Variants in STXBP6 observed in about 807,000 individuals in gnomAD.
STXBP6 encodes syntaxin-binding protein 6.
Under a neutral mutation model 26.9 loss-of-function variants are expected in STXBP6, and 21 were observed. The ratio of observed to expected loss-of-function variants is 0.78; its 90% confidence interval spans 0.55 to 1.12. The LOEUF (loss-of-function observed/expected upper bound fraction) is 1.12, where lower values mean the gene tolerates loss of function less well. STXBP6 is among the 50% of genes most tolerant of loss of function. The pLI, the probability that STXBP6 is intolerant of heterozygous loss-of-function variation, is 0.00. For synonymous variants in STXBP6, 97 were observed against 92.6 expected, an observed-to-expected ratio of 1.05 and a Z score of -0.27; for missense variants, 232 against 257.9, an observed-to-expected ratio of 0.90 and a Z score of 0.69.
At chr14:24,960,634 A>G (rs894655862) in intron 2 of STXBP6, among the ~76,000 whole-genome samples, 2 of 152,082 alleles carry the variant, frequency 1.3e-5, no homozygotes, top group Non-Finnish European at 2.9e-5. Flanking sequence ...GTTCTGCTTC[A>G]TGGGTCCCCA....
intron 2 of STXBP6, among the ~76,000 whole-genome samples, chr14:24,861,520 A>G (rs1176837129): frequency 1.3e-5 from 2 of 152,164 alleles, no homozygotes; most frequent in Admixed American, 1.3e-4. Flanking sequence ...TGTTCTTCCA[A>G]AGCTCTAGTG....
At chr14:24,868,621 T>C (rs1595000553) in intron 2 of STXBP6, among the ~76,000 whole-genome samples, 1 of 152,128 alleles carries the variant, frequency 6.6e-6, no homozygotes, top group Non-Finnish European at 1.5e-5. Context: ...TTTGTAAACA[T>C]GAAGCAGGAG....
intron 4 of STXBP6, among the ~76,000 whole-genome samples, chr14:24,823,627 TATACTCAGTGCTGAGTCA>T (rs2068203473): frequency 6.6e-6 from 1 of 152,220 alleles, no homozygotes; most frequent in Non-Finnish European, 1.5e-5. Flanking sequence ...TATGCCCATC[TATACTCAGTGCTGAGTCA>T]ATGTGCTTAT....
chr14:24,847,870 C>T (rs749089554), intron 4 of STXBP6, among the ~76,000 whole-genome samples: 34 of 152,132 alleles, frequency 2.2e-4, no homozygotes, highest in Non-Finnish European at 4.7e-4. Context: ...GTTAAGTCAG[C>T]AGTAACATGT....
intron 2 of STXBP6, among the ~76,000 whole-genome samples, chr14:24,912,843 T>A (rs2071624087): frequency 6.6e-6 from 1 of 152,224 alleles, no homozygotes; most frequent in African/African-American, 2.4e-5. Context: ...CTTGCCTTTT[T>A]TTCATTTTTC....
chr14:24,815,868 T>C (rs2067959720), intron 5 of STXBP6: 1 of 152,160 alleles, frequency 6.6e-6, no homozygotes, highest in Admixed American at 6.5e-5. Flanking sequence ...AAGGACCACA[T>C]TTCCTCAAAC....
chr14:24,981,062 A>C (rs1166136724), intron 1 of STXBP6, among the ~76,000 whole-genome samples: 1 of 152,214 alleles, frequency 6.6e-6, no homozygotes, highest in Non-Finnish European at 1.5e-5. Context: ...TTAATGAATT[A>C]CTTATAAAAC....
chr14:24,942,667 T>C (rs962383574), intron 2 of STXBP6, among the ~76,000 whole-genome samples: 2 of 152,222 alleles, frequency 1.3e-5, no homozygotes, highest in African/African-American at 4.8e-5. Flanking sequence ...CTGCCTTTGA[T>C]CTGAGGTCAG....
At chr14:24,893,742 C>A (rs1679153820) in intron 2 of STXBP6, among the ~76,000 whole-genome samples, 2 of 152,144 alleles carry the variant, frequency 1.3e-5, no homozygotes, top group Admixed American at 1.3e-4. Context: ...TATGTACCTC[C>A]CATTAACATT....
intron 2 of STXBP6, among the ~76,000 whole-genome samples, chr14:24,883,774 T>C (rs953830952): frequency 5.3e-5 from 8 of 152,336 alleles, no homozygotes; most frequent in Admixed American, 3.3e-4. Flanking sequence ...CCAGTTTTTG[T>C]TCTTCTATAG....
intron 2 of STXBP6, among the ~76,000 whole-genome samples, chr14:24,902,251 T>C (rs1051952233): frequency 6.6e-6 from 1 of 152,136 alleles, no homozygotes; most frequent in African/African-American, 2.4e-5. Flanking sequence ...ATCCAGTGAT[T>C]GGGGACTAGT....
At chr14:25,047,105 C>A (rs955058084) in intron 1 of STXBP6, among the ~76,000 whole-genome samples, 5 of 152,198 alleles carry the variant, frequency 3.3e-5, no homozygotes, top group African/African-American at 1.2e-4. Flanking sequence ...ATTCTGTCCT[C>A]CAACCTTAAG....
intron 1 of STXBP6, among the ~76,000 whole-genome samples, chr14:24,981,848 A>T (rs374020185): frequency 6.6e-6 from 1 of 152,194 alleles, no homozygotes; most frequent in South Asian, 2.1e-4. Flanking sequence ...CCATCCACCC[A>T]ACAGAATATT....
intron 2 of STXBP6, among the ~76,000 whole-genome samples, chr14:24,890,869 TAA>T (rs1408783024): frequency 6.6e-6 from 1 of 152,226 alleles, no homozygotes; most frequent in African/African-American, 2.4e-5. Flanking sequence ...ATCCTTTATT[TAA>T]TTTGGTACAC....
At chr14:24,850,574 T>C (rs1382176369) in intron 4 of STXBP6, among the ~76,000 whole-genome samples, 2 of 152,130 alleles carry the variant, frequency 1.3e-5, no homozygotes, top group African/African-American at 4.8e-5. Context: ...AGAGCTAATT[T>C]CATCTTGCCC....
chr14:24,967,837 T>C (rs1430880302), intron 2 of STXBP6, among the ~76,000 whole-genome samples: 2 of 152,166 alleles, frequency 1.3e-5, no homozygotes, highest in African/African-American at 4.8e-5. Flanking sequence ...GAAAGGAATC[T>C]ACTATTTAAA....
intron 2 of STXBP6, among the ~76,000 whole-genome samples, chr14:24,927,125 A>G (rs1465297235): frequency 1.3e-5 from 2 of 152,206 alleles, no homozygotes; most frequent in East Asian, 3.9e-4. Context: ...TGTGCAGAGG[A>G]TAATATTCAG....
At chr14:24,991,581 C>T (rs1290656899) in intron 1 of STXBP6, among the ~76,000 whole-genome samples, 1 of 152,052 alleles carries the variant, frequency 6.6e-6, no homozygotes, top group Non-Finnish European at 1.5e-5. Flanking sequence ...TTTTATCATC[C>T]CCAAGAGCAA....
At chr14:24,996,737 C>G (rs1250493533) in intron 1 of STXBP6, among the ~76,000 whole-genome samples, 1 of 151,332 alleles carries the variant, frequency 6.6e-6, no homozygotes, top group Non-Finnish European at 1.5e-5. Flanking sequence ...TGCCTGTGAT[C>G]CCAGCTACTT....
Sources: allele counts gnomAD v4.1 joint callset (sites outside exome capture counted in the v4.1 genomes callset), GRCh38; gene constraint gnomAD v4.1.1; transcripts MANE v1.5; gene names NCBI Gene and HGNC (gene_info 2026-07-23, HGNC 2026-07-21).